Variants in ANKEF1 observed in about 807,000 individuals in gnomAD.
The protein encoded by ANKEF1 is ankyrin repeat and EF-hand domain-containing protein 1.
ANKEF1 carries 43 observed loss-of-function variants against 65.1 expected under a neutral mutation model. The observed-to-expected ratio is 0.66, with a 90% confidence interval of 0.52 to 0.85. ANKEF1 has a LOEUF of 0.85. Ranked by LOEUF, ANKEF1 falls within the 40% of genes least tolerant of loss-of-function variation. The probability of loss-of-function intolerance (pLI) is 0.00; values close to 1 mark genes in which losing one functional copy is unlikely to be tolerated. For missense variants in ANKEF1, 934 were observed against 952.9 expected, an observed-to-expected ratio of 0.98 and a Z score of 0.26; for synonymous variants, 316 against 341.5, an observed-to-expected ratio of 0.93 and a Z score of 0.82.
intron 6 of ANKEF1, among the ~76,000 whole-genome samples, chr20:10,046,899 C>G (rs1469495656): frequency 6.6e-6 from 1 of 152,060 alleles, no homozygotes; most frequent in Non-Finnish European, 1.5e-5. Context: ...GTATACTTTC[C>G]CTATGTCCCC....
In ANKEF1 at chr20:10,050,068, C is replaced by G. The variant is rs2122262527; in HGVS notation, c.1499C>G (p.Thr500Ser). The part of the protein sequence containing the change: ...EKVFSNINII[T>S]KAGDLASLKK... The stretch of plus-strand genomic sequence containing the variant: ...GTATTTTCAAACATTAATATTATCA[C>G]CAAAGCAGGGGATCTGGCTTCTCTG... The change falls in exon 7 of 11, where the codon ACC becomes AGC. Residue 500 changes from threonine (T) to serine (S), a missense_variant. Physicochemically the swap from Thr to Ser is moderately conservative, Grantham distance 58. Coordinates refer to ENST00000378392, the MANE Select transcript of ANKEF1 (RefSeq NM_022096.6). 9 of 1,614,130 alleles carry G rather than the reference C, an allele frequency of 5.6e-6. No individual in the cohort carries two copies. In the East Asian group the frequency reaches 2.0e-4, roughly 36 times the overall value.
At chr20:10,048,518 T>A (rs559551640) in intron 6 of ANKEF1, among the ~76,000 whole-genome samples, 9 of 152,284 alleles carry the variant, frequency 5.9e-5, no homozygotes, top group African/African-American at 2.2e-4. Context: ...TCTTTCTATT[T>A]TTTTACCCAT....
At chr20:10,041,179 A>G (rs1283626573) in intron 3 of ANKEF1, among the ~76,000 whole-genome samples, 1 of 151,822 alleles carries the variant, frequency 6.6e-6, no homozygotes, top group African/African-American at 2.4e-5. Context: ...TACATGTGAA[A>G]GTATTGTCAT....
At chr20:10,045,937 C>A (rs1984500040) in intron 6 of ANKEF1, among the ~76,000 whole-genome samples, 1 of 151,998 alleles carries the variant, frequency 6.6e-6, no homozygotes, top group African/African-American at 2.4e-5. Flanking sequence ...TGTTAAAAAC[C>A]TAAAGGGGAT....
chr20:10,043,185 A>G lies in ANKEF1; in HGVS notation c.410A>G (p.Glu137Gly). The change falls in exon 4 of 11, where the codon GAA (glutamate) becomes GGA (glycine). Residue 137 changes from glutamate (E) to glycine (G), a missense_variant. Transcript: ENST00000378392. ...RHYRCALIAL[E>G]HGADVNNSTY... ...TATCGCTGTGCTCTGATCGCCCTTGAACATGGTGCAGATGTCAACAATTCT... is the reference window on the plus strand; with the variant it reads ...TATCGCTGTGCTCTGATCGCCCTTGGACATGGTGCAGATGTCAACAATTCT... The G allele has an allele frequency of 6.2e-7, 1 of 1,614,168 alleles. No homozygotes were observed. Among genetic ancestry groups the G allele is most frequent in the Non-Finnish European group, 8.5e-7 (1 of 1,180,018 alleles).
At chr20:10,050,509 T>C (rs1294776511) in intron 7 of ANKEF1, among the ~76,000 whole-genome samples, 1 of 152,126 alleles carries the variant, frequency 6.6e-6, no homozygotes, top group Non-Finnish European at 1.5e-5. Flanking sequence ...AAAGGAGAAT[T>C]TATGTTAGAT....
At position 10,050,200 on chromosome 20, in the gene ANKEF1, T is replaced by C; in HGVS notation, c.1631T>C (p.Leu544Pro). 6.2e-7 allele frequency: 1 copy of C among 1,606,248 alleles called. No homozygotes were observed. The highest frequency in any genetic ancestry group is 2.2e-5 in the East Asian group (1 of 44,772). The change falls in exon 7 of 11, where the codon CTT becomes CCT. Residue 544 changes from leucine (L) to proline (P), a missense_variant. Leu to Pro is a moderately conservative substitution (Grantham distance 98). Coordinates refer to ENST00000378392, the MANE Select transcript of ANKEF1 (RefSeq NM_022096.6). Reference protein sequence around the residue: ...ASGNIDVVKFLLEKGANVNAT... With the variant: ...ASGNIDVVKFPLEKGANVNAT... Reference sequence around the variant, plus strand: ...GGAAACATAGATGTGGTCAAGTTTCTTCTTGAAAAAGGGTACGCGTCTCCG... The same window carrying C: ...GGAAACATAGATGTGGTCAAGTTTCCTCTTGAAAAAGGGTACGCGTCTCCG...
chr20:10,053,722 C>A (rs1214259942), intron 9 of ANKEF1, among the ~76,000 whole-genome samples: 1 of 152,184 alleles, frequency 6.6e-6, no homozygotes. Context: ...TCCCCTTCCT[C>A]CCACCTGCCG....
chr20:10,049,999 C>T lies in ANKEF1; in HGVS notation c.1430C>T (p.Pro477Leu), dbSNP rs966364845. 1.2e-6 allele frequency: 2 copies of T among 1,614,032 alleles called. No homozygotes were observed. Among genetic ancestry groups the T allele is most frequent in the African/African-American group, 2.7e-5 (2 of 74,904 alleles). ...AATAGAGATCATCCCCCAGAACATCCCATTCAGGATGACTCTGTTTGGTAC... is the reference window on the plus strand; with the variant it reads ...AATAGAGATCATCCCCCAGAACATCTCATTCAGGATGACTCTGTTTGGTAC... ...RFNRDHPPEH[P>L]IQDDSVWYID... The change falls in exon 7 of 11, where the codon CCC becomes CTC. Residue 477 changes from proline (P) to leucine (L), a missense_variant. By Grantham distance (98) the Pro-to-Leu change is moderately conservative (BLOSUM62 -3). Coordinates refer to ENST00000378392, the MANE Select transcript of ANKEF1 (RefSeq NM_022096.6).
At position 10,054,609 on chromosome 20, in the gene ANKEF1, T is replaced by C. The variant is rs1443635238; in HGVS notation, c.2172+10T>C. 1 of 1,603,092 alleles carries C rather than the reference T, an allele frequency of 6.2e-7. No individual in the cohort carries two copies. Among genetic ancestry groups the C allele is most frequent in the Non-Finnish European group, 8.5e-7 (1 of 1,176,488 alleles). ...ATTTATTCCACGGAGGGTAAGTGCT[T>C]CGAAAAGATCTTCATAGCATGGTAG... On this transcript the variant is annotated intron_variant, in intron 10 of 10. Coordinates refer to ENST00000378392, the MANE Select transcript of ANKEF1 (RefSeq NM_022096.6).
chr20:10,038,002 G>A (rs1983956706), intron 2 of ANKEF1, among the ~76,000 whole-genome samples: 1 of 152,314 alleles, frequency 6.6e-6, no homozygotes, highest in South Asian at 2.1e-4. Context: ...ATGGTAAAGT[G>A]TGATGAGGAG....
At chr20:10,037,871 T>C (rs1454357506) in intron 2 of ANKEF1, among the ~76,000 whole-genome samples, 1 of 152,226 alleles carries the variant, frequency 6.6e-6, no homozygotes, top group Non-Finnish European at 1.5e-5. Context: ...TTATAACACC[T>C]TAAAACTATT....
chr20:10,036,893 A>G (rs1983890382), intron 2 of ANKEF1, among the ~76,000 whole-genome samples: 1 of 152,130 alleles, frequency 6.6e-6, no homozygotes, highest in African/African-American at 2.4e-5. Flanking sequence ...GTGTGAGGAC[A>G]GAAAAGAGTC....
At position 10,051,613 on chromosome 20, in the gene ANKEF1, A is replaced by G. The variant is rs1368434395; in HGVS notation, c.1644-50A>G. ...ATCTTACTTTGCATTTTTAGTGTCC[A>G]GTCATTGGAAAACCGTATTTTTAGT... On this transcript the variant is annotated intron_variant, in intron 7 of 10. Coordinates refer to ENST00000378392, the MANE Select transcript of ANKEF1 (RefSeq NM_022096.6). 4.3e-6 allele frequency: 6 copies of G among 1,392,134 alleles called. No homozygotes were observed. In the Admixed American group the frequency reaches 1.1e-4, roughly 25 times the overall value. The allele number at this position is 1,392,134 out of a possible 1,614,324, so 86.2% of individuals were successfully genotyped here.
rs1984003555 is a variant in ANKEF1 at position 10,038,608 on chromosome 20, G to A, written c.307G>A (p.Ala103Thr). The A allele has an allele frequency of 1.9e-6, 3 of 1,613,370 alleles. No homozygotes were observed. The highest frequency in any genetic ancestry group is 2.5e-6 in the Non-Finnish European group (3 of 1,179,532). ...HELSMEILAKAKADMTIVDNE... is the reference protein window; with the variant it reads ...HELSMEILAKTKADMTIVDNE... The stretch of plus-strand genomic sequence containing the variant: ...ATTGTCAATGGAAATATTAGCAAAG[G>A]CAAAGGCTGATATGACTATAGTTGA... The change falls in exon 3 of 11, where the codon GCA becomes ACA. Residue 103 changes from alanine to threonine, a missense_variant. Physicochemically the swap from Ala to Thr is moderately conservative, Grantham distance 58. Coordinates refer to ENST00000378392, the MANE Select transcript of ANKEF1 (RefSeq NM_022096.6).
At chr20:10,055,481 A>T in intron 10 of ANKEF1, 21 bp from the exon 11 acceptor site, 1 of 1,611,884 alleles carries the variant, frequency 6.2e-7, no homozygotes, top group Non-Finnish European at 8.5e-7. Context: ...CTGCTGGGGT[A>T]TGGCTATTTT....
intron 9 of ANKEF1, 39 bp from the exon 10 acceptor site, chr20:10,054,423 G>C (rs751632211): frequency 9.5e-6 from 14 of 1,477,576 alleles, no homozygotes; most frequent in Non-Finnish European, 1.3e-5. Context: ...AATCAGTATA[G>C]ATTTTTACAA....
chr20:10,039,468 CAA>C (rs748445181), intron 3 of ANKEF1, among the ~76,000 whole-genome samples: 8 of 152,166 alleles, frequency 5.3e-5, no homozygotes, highest in Admixed American at 1.3e-4. Context: ...TATTTACTGA[CAA>C]GAGCAAAATC....
intron 3 of ANKEF1, among the ~76,000 whole-genome samples, chr20:10,041,138 TG>T (rs1984163925): frequency 6.6e-6 from 1 of 151,968 alleles, no homozygotes; most frequent in Non-Finnish European, 1.5e-5. Flanking sequence ...TATTTTATAT[TG>T]TGAAGGCAAA....
Sources: allele counts gnomAD v4.1 joint callset (sites outside exome capture counted in the v4.1 genomes callset), GRCh38; gene constraint gnomAD v4.1.1; transcripts MANE v1.5; gene names NCBI Gene and HGNC (gene_info 2026-07-23, HGNC 2026-07-21).